Variants in MATN1 observed in about 807,000 individuals in gnomAD.
MATN1 encodes the protein matrilin 1.
Under a neutral mutation model 41.3 loss-of-function variants are expected in MATN1, and 34 were observed. The ratio of observed to expected loss-of-function variants is 0.82; its 90% confidence interval spans 0.63 to 1.10. The LOEUF is 1.10. Among genes scored for constraint, MATN1 ranks in the 50% least tolerant of loss-of-function variants. The pLI is 0.00. For synonymous variants in MATN1, 264 were observed against 278.7 expected (o/e 0.95, Z 0.53); for missense variants, 602 against 662.4 (o/e 0.91, Z 1.00).
chr1:30,715,509 G>A (rs1639605549), intron 5 of MATN1, among the ~76,000 whole-genome samples, 200 bp from the exon 6 acceptor site: 1 of 152,180 alleles, frequency 6.6e-6, no homozygotes, highest in Admixed American at 6.5e-5. Context: ...ACCCTATAGT[G>A]ACTTCCTGTA....
chr1:30,718,593 C>A (rs554708229), intron 3 of MATN1, 142 bp downstream of exon 3: 6 of 219,670 alleles, frequency 2.7e-5, no homozygotes, highest in East Asian at 2.0e-4. Flanking sequence ...GCCTCTGCCC[C>A]CCCCCCGGCC....
chr1:30,715,987 G>A lies in MATN1; in HGVS notation c.1129C>T (p.Gln377Ter). The A allele has an allele frequency of 6.2e-7, 1 of 1,614,190 alleles. No homozygotes were observed. The highest frequency in any genetic ancestry group is 8.5e-7 in the Non-Finnish European group (1 of 1,180,022). Residue 377 changes from glutamine to a stop codon, truncating the protein, a stop_gained, in exon 5 of 8, where the codon CAG (glutamine) becomes TAG (stop). Coordinates refer to ENST00000373765, the MANE Select transcript of MATN1 (RefSeq NM_002379.3). LOFTEE classifies it high-confidence loss of function. ...TCAGTGAAGACAATGCCCACCTTCT[G>A]GGCCCCGGGCCTAGCCCCACTGGAC... ...TVSSGARPGA[Q>*]KVGIVFTDGR...
chr1:30,717,478 C>T (rs1411874245), intron 3 of MATN1, among the ~76,000 whole-genome samples: 1 of 151,978 alleles, frequency 6.6e-6, no homozygotes, highest in African/African-American at 2.4e-5. Flanking sequence ...AGTGCCCAGG[C>T]CTCTCAGACT....
intron 3 of MATN1, 37 bp downstream of exon 3, chr1:30,718,698 G>C: frequency 5.1e-6 from 6 of 1,166,328 alleles, no homozygotes; most frequent in Admixed American, 5.2e-5. Flanking sequence ...CCCCTTCTCC[G>C]CCCCTGCCCT....
At chr1:30,719,077 G>C in intron 2 of MATN1, 120 bp from the exon 3 acceptor site, 1 of 715,342 alleles carries the variant, frequency 1.4e-6, no homozygotes, top group Non-Finnish European at 2.1e-6. Context: ...GGCGGCACCC[G>C]GGGGAAGAGG....
Position 30,716,853 on chromosome 1 carries a change from C to A in MATN1, c.727G>T (p.Gly243Cys). 1 of 1,613,934 alleles carries A rather than the reference C, an allele frequency of 6.2e-7. No individual in the cohort carries two copies. The highest frequency in any genetic ancestry group is 1.1e-5 in the South Asian group (1 of 91,050). The change falls in exon 4 of 8, where the codon GGT becomes TGT. Residue 243 changes from glycine (G) to cysteine (C), a missense_variant. By Grantham distance (159) the Gly-to-Cys change is radical. Transcript: ENST00000373765. ...DCEQVCISSP[G>C]SYTCACHEGF... is the part of the protein sequence containing the mutation. The stretch of plus-strand genomic sequence containing the variant: ...TCGTGGCAGGCGCAGGTGTAGGAAC[C>A]GGGGGAGCTGATGCACACCTGCTCA...
At chr1:30,718,589 G>GGCCCCCCCCCCCCCCCCCC in intron 3 of MATN1, 146 bp downstream of exon 3, 1 of 182,848 alleles carries the variant, frequency 5.5e-6, no homozygotes, top group Non-Finnish European at 8.5e-6. Context: ...CTCCGCCTCT[G>GGCCCCCCCCCCCCCCCCCC]CCCCCCCCCC....
chr1:30,717,801 C>A (rs1022150619), intron 3 of MATN1, among the ~76,000 whole-genome samples: 1 of 152,092 alleles, frequency 6.6e-6, no homozygotes, highest in African/African-American at 2.4e-5. Flanking sequence ...ACTACAGGCG[C>A]CCGCAACAAC....
Position 30,716,001 on chromosome 1 carries a change from G to T in MATN1, c.1115C>A (p.Ala372Asp), listed in dbSNP as rs1353183253. Residue 372 changes from alanine to aspartate, a missense_variant, in exon 5 of 8, where the codon GCT (alanine) becomes GAT (aspartate). Ala to Asp is a moderately radical substitution (Grantham distance 126, BLOSUM62 -2). Coordinates refer to ENST00000373765, the MANE Select transcript of MATN1 (RefSeq NM_002379.3). ...GCCCACCTTCTGGGCCCCGGGCCTA[G>T]CCCCACTGGACACAGTGAAGGAATT... ...IDNSFTVSSG[A>D]RPGAQKVGIV... is the part of the protein sequence containing the mutation. 3.7e-6 allele frequency: 6 copies of T among 1,614,100 alleles called. No individual in the cohort carries two copies. Among genetic ancestry groups the T allele is most frequent in the Non-Finnish European group, 5.1e-6 (6 of 1,180,056 alleles).
At position 30,713,499 on chromosome 1, in the gene MATN1, G is replaced by T; in HGVS notation, c.*83C>A. The T allele has an allele frequency of 7.1e-7, 1 of 1,415,318 alleles. No individual in the cohort carries two copies. The allele number at this position is 1,415,318 out of a possible 1,614,324, so 87.7% of individuals were successfully genotyped here. A position where few individuals can be genotyped will look rare whatever the true frequency, so the allele number is the denominator to read the frequency against. On this transcript the variant is annotated 3_prime_UTR_variant, in exon 8 of 8. Transcript: ENST00000373765. The stretch of plus-strand genomic sequence containing the variant: ...CCAGACACACCCCCTCCCACCCCCG[G>T]GCTGGCTTCCCTCACTAAAATGGTA...
At chr1:30,715,365 C>T in intron 5 of MATN1, 56 bp from the exon 6 acceptor site, 2 of 1,585,828 alleles carry the variant, frequency 1.3e-6, no homozygotes, top group African/African-American at 1.3e-5. Context: ...AACCATATGG[C>T]TGAGCCTCCT....
Position 30,713,639 on chromosome 1 carries a change from C to T in MATN1, c.1442-8G>A, listed in dbSNP as rs1639581839. 9 of 1,552,930 alleles carry T rather than the reference C, an allele frequency of 5.8e-6. No individual in the cohort carries two copies. Among genetic ancestry groups the T allele is most frequent in the Non-Finnish European group, 7.0e-6 (8 of 1,147,476 alleles). ...GCTTACTCACAGCTTCCAGTGGACT[C>T]AGAGTTAAGGAGAGGTGCAGGTTGG... On this transcript the variant is annotated splice_polypyrimidine_tract_variant and splice_region_variant and intron_variant, in intron 7 of 7. Transcript: ENST00000373765.
Position 30,723,565 on chromosome 1 carries a change from C to G in MATN1, c.-14G>C, listed in dbSNP as rs531319667. ...GAGGACCCTCATAGTTCTGGCAGCA[C>G]GGGCAGCAGCCGGCACGGTTGTGGG... On this transcript the variant is annotated 5_prime_UTR_variant, in exon 1 of 8. Transcript: ENST00000373765. The G allele has an allele frequency of 2.6e-6, 4 of 1,527,178 alleles. No individual in the cohort carries two copies. The Admixed American group carries it at 8.2e-5, about 31-fold the overall frequency. The allele number at this position is 1,527,178 out of a possible 1,614,324, so 94.6% of individuals were successfully genotyped here.
chr1:30,716,636 ACTT>A (rs1639621462), intron 4 of MATN1, among the ~76,000 whole-genome samples, 151 bp downstream of exon 4: 2 of 152,272 alleles, frequency 1.3e-5, no homozygotes, highest in South Asian at 4.1e-4. Context: ...TCAGGTGAGA[ACTT>A]CTGCAGATAC....
intron 4 of MATN1, 79 bp downstream of exon 4, chr1:30,716,711 T>C (rs1008034861): frequency 5.1e-6 from 8 of 1,564,234 alleles, no homozygotes; most frequent in Non-Finnish European, 6.1e-6. Context: ...GCAGGGAGGC[T>C]TGAATGGGTT....
chr1:30,723,566 G>A lies in MATN1; in HGVS notation c.-15C>T, dbSNP rs749116026. 3.4e-5 allele frequency: 52 copies of A among 1,526,786 alleles called. No individual in the cohort carries two copies. Among genetic ancestry groups the A allele is most frequent in the African/African-American group, 2.2e-4 (16 of 71,612 alleles). 94.6% of individuals were successfully genotyped at this position (1,526,786 alleles called of 1,614,324 possible). On this transcript the variant is annotated 5_prime_UTR_variant, in exon 1 of 8. Coordinates refer to ENST00000373765, the MANE Select transcript of MATN1 (RefSeq NM_002379.3). ...AGGACCCTCATAGTTCTGGCAGCACGGGCAGCAGCCGGCACGGTTGTGGGA... is the reference window on the plus strand; with the variant it reads ...AGGACCCTCATAGTTCTGGCAGCACAGGCAGCAGCCGGCACGGTTGTGGGA...
In MATN1 at chr1:30,721,511, T is replaced by C; in HGVS notation, c.335A>G (p.Gln112Arg). The C allele has an allele frequency of 6.2e-7, 1 of 1,613,322 alleles. No individual in the cohort carries two copies. The change falls in exon 2 of 8, where the codon CAG (glutamine) becomes CGG (arginine). Residue 112 changes from glutamine to arginine, a missense_variant. Coordinates refer to ENST00000373765, the MANE Select transcript of MATN1 (RefSeq NM_002379.3). ...GGTCATGGTGCCTGTGGACAGCGGC[T>C]GGATACGGCGCACAGCCTGCAGCAG... ...AALLQAVRRIQPLSTGTMTGL... is the reference protein window; with the variant it reads ...AALLQAVRRIRPLSTGTMTGL...
In MATN1 at chr1:30,713,630, C is replaced by T. The variant is rs891432263; in HGVS notation, c.1443G>A (p.Leu481=). 5.2e-6 allele frequency: 8 copies of T among 1,553,152 alleles called. No homozygotes were observed. The highest frequency in any genetic ancestry group is 2.0e-5 in the Admixed American group (1 of 51,090). ...EGLLQALTRK[L]EAVSKRLAIL... ...TGGCCAGCCGCTTACTCACAGCTTC[C>T]AGTGGACTCAGAGTTAAGGAGAGGT... Residue 481 remains leucine, a splice_region_variant and synonymous_variant, in exon 8 of 8, where the codon CTG becomes CTA. Coordinates refer to ENST00000373765, the MANE Select transcript of MATN1 (RefSeq NM_002379.3).
chr1:30,721,599 C>G lies in MATN1; in HGVS notation c.247G>C (p.Val83Leu). ...TGCTTCACGGTGCTGGCATAGTTGA[C>G]CATGCCCACCCGGGTGGCATTGGGC... ...VGPNATRVGM[V>L]NYASTVKQEF... Residue 83 changes from valine to leucine, a missense_variant, in exon 2 of 8, where the codon GTC (valine) becomes CTC (leucine). Coordinates refer to ENST00000373765, the MANE Select transcript of MATN1 (RefSeq NM_002379.3). 1 of 1,613,500 alleles carries G rather than the reference C, an allele frequency of 6.2e-7. No individual in the cohort carries two copies. The highest frequency in any genetic ancestry group is 8.5e-7 in the Non-Finnish European group (1 of 1,180,050).
Sources: gnomAD v4.1 joint callset for allele counts (sites outside exome capture counted in the v4.1 genomes callset) on GRCh38, gnomAD v4.1.1 for gene constraint, MANE v1.5 for transcripts, NCBI Gene and HGNC (gene_info 2026-07-23, HGNC 2026-07-21) for gene names.